The following ITPR3 variants were observed in gnomAD, a reference collection of about 807,000 sequenced individuals.
ITPR3 encodes the protein inositol 1,4,5-trisphosphate receptor type 3.
A neutral mutation model predicts 293.2 loss-of-function variants in ITPR3; 173 were observed. The observed-to-expected ratio is 0.59, with a 90% confidence interval of 0.52 to 0.67. The LOEUF (loss-of-function observed/expected upper bound fraction) is 0.67, where lower values mean the gene tolerates loss of function less well. Ranked by LOEUF, ITPR3 falls within the 30% of genes least tolerant of loss-of-function variation. The probability of loss-of-function intolerance (pLI) is 0.00; values close to 1 mark genes in which losing one functional copy is unlikely to be tolerated. For synonymous variants in ITPR3, 1,295 were observed against 1,444.4 expected (o/e 0.90, Z 2.35); for missense variants, 2,796 against 3,592.1 (o/e 0.78, Z 5.66).
rs1470212812 is a variant in ITPR3, at chr6:33,638,225, C to T, written c.90-2259C>T. ...TTCACCATGTTGGTCAGGCGGGTCT[C>T]GAACTCCTGACTTAATGATCCACCC... On this transcript the variant is annotated intron_variant, in intron 1 of 57. Transcript: ENST00000605930. This position sits in a 1 kb window ranked among gnomAD's most constrained non-coding sequence, Gnocchi z 4.3. Among the ~76,000 whole-genome samples the T allele has an allele frequency of 2.6e-5, 4 of 151,698 alleles. No individual in the cohort carries two copies. Among genetic ancestry groups the T allele is most frequent in the Non-Finnish European group, 5.9e-5 (4 of 67,952 alleles).
chr6:33,644,881 C>G (rs941641463), intron 2 of ITPR3, among the ~76,000 whole-genome samples: 1 of 151,470 alleles, frequency 6.6e-6, no homozygotes, highest in Non-Finnish European at 1.5e-5. Flanking sequence ...CCAGGCTGGT[C>G]TTAAACTCCT....
Position 33,670,348 on chromosome 6 carries a change from G to C in ITPR3, c.2213G>C (p.Arg738Pro). 6.2e-7 allele frequency: 1 copy of C among 1,614,000 alleles called. No homozygotes were observed. The highest frequency in any genetic ancestry group is 8.5e-7 in the Non-Finnish European group (1 of 1,180,042). ...YYRYQLKLFA[R>P]MCLDRQYLAI... is the part of the protein sequence containing the mutation. ...AGGTACCAGCTGAAGCTCTTTGCCC[G>C]CATGTGCTTGGACCGCCAGTACTTG... Residue 738 changes from arginine (R) to proline (P), a missense_variant, in exon 19 of 58, where the codon CGC (arginine) becomes CCC (proline). Arg to Pro is a moderately radical substitution (Grantham distance 103). Around this residue, in one of 8 missense-constraint regions of ITPR3, gnomAD observed 955 missense variants for 1,180.8 expected, o/e 0.81. Coordinates refer to ENST00000605930, the MANE Select transcript of ITPR3 (RefSeq NM_002224.4). This position sits in a 1 kb window ranked among gnomAD's most constrained non-coding sequence, Gnocchi z 6.7.
At chr6:33,652,947 G>A (rs1028324311) in intron 2 of ITPR3, among the ~76,000 whole-genome samples, 34 of 151,326 alleles carry the variant, frequency 2.2e-4, no homozygotes, top group African/African-American at 7.8e-4. Flanking sequence ...TTGCTCTGTC[G>A]CTCAGGCTGG....
rs1198202280 is a variant in ITPR3 at position 33,632,472 on chromosome 6, A to G, written c.90-8012A>G. On this transcript the variant is annotated intron_variant, in intron 1 of 57. Transcript: ENST00000605930. The surrounding 1 kb of genome is among the most constrained non-coding windows in gnomAD (Gnocchi z 4.1). ...TCCCATGGCGCCCACCTGGATCTCA[A>G]AGTCCACGCAGGGTGGAATGGGGCA... Among the ~76,000 whole-genome samples the G allele has an allele frequency of 6.6e-6, 1 of 152,080 alleles. No individual in the cohort carries two copies. The highest frequency in any genetic ancestry group is 1.5e-5 in the Non-Finnish European group (1 of 67,994).
At chr6:33,680,819 TC>T (rs369179963) in intron 33 of ITPR3, 139 bp downstream of exon 33, 68 of 915,024 alleles carry the variant, frequency 7.4e-5, no homozygotes, top group Non-Finnish European at 9.7e-5. Flanking sequence ...GTATTGGTTA[TC>T]TTTTTTTTTT....
chr6:33,645,335 A>C (rs1422255305), intron 2 of ITPR3, among the ~76,000 whole-genome samples: 2 of 148,402 alleles, frequency 1.3e-5, no homozygotes, highest in Non-Finnish European at 3.1e-5. Flanking sequence ...CGCTGTCTCA[A>C]ACAAACAAAC....
At chr6:33,642,907 T>G (rs1010419216) in intron 2 of ITPR3, among the ~76,000 whole-genome samples, 2 of 152,216 alleles carry the variant, frequency 1.3e-5, no homozygotes, top group African/African-American at 4.8e-5. Flanking sequence ...GGACTCCCTA[T>G]GGCCCTGTTG....
At chr6:33,640,021 C>T (rs962312121) in intron 1 of ITPR3, among the ~76,000 whole-genome samples, 4 of 152,114 alleles carry the variant, frequency 2.6e-5, no homozygotes, top group Non-Finnish European at 4.4e-5. Flanking sequence ...TTTGGTCTCT[C>T]TCTGCTTCTG....
chr6:33,685,224 A>T, intron 39 of ITPR3, 135 bp from the exon 40 acceptor site: 1 of 901,214 alleles, frequency 1.1e-6, no homozygotes, highest in Non-Finnish European at 1.7e-6. Flanking sequence ...CATGGATGCT[A>T]GCCACCAGCA....
intron 39 of ITPR3, 52 bp from the exon 40 acceptor site, chr6:33,685,307 T>C (rs776011158): frequency 9.9e-6 from 15 of 1,507,644 alleles, no homozygotes; most frequent in Non-Finnish European, 1.3e-5. Flanking sequence ...ACGCCCTGAG[T>C]AGGAGCAGGG....
At chr6:33,639,797 A>G (rs1004860574) in intron 1 of ITPR3, among the ~76,000 whole-genome samples, 1 of 151,924 alleles carries the variant, frequency 6.6e-6, no homozygotes, top group African/African-American at 2.4e-5. Context: ...GGATGGGTGG[A>G]TAGATGGATG....
intron 2 of ITPR3, among the ~76,000 whole-genome samples, chr6:33,652,244 C>T (rs1764209257): frequency 6.6e-6 from 1 of 152,100 alleles, no homozygotes; most frequent in African/African-American, 2.4e-5. Flanking sequence ...TTCCTCCCTC[C>T]AAGGCTAAAT....
intron 2 of ITPR3, among the ~76,000 whole-genome samples, chr6:33,653,241 TC>T (rs1262963302): frequency 1.3e-5 from 2 of 151,848 alleles, no homozygotes; most frequent in Non-Finnish European, 2.9e-5. Context: ...TTTTATTTTT[TC>T]CCACCACTTG....
chr6:33,630,327 C>T (rs979282164), intron 1 of ITPR3, among the ~76,000 whole-genome samples: 12 of 152,128 alleles, frequency 7.9e-5, no homozygotes, highest in Admixed American at 4.6e-4. Context: ...GGAGCCAGGG[C>T]GAGTTGGCCT....
chr6:33,658,697 C>G lies in ITPR3; in HGVS notation c.397C>G (p.Leu133Val). The change falls in exon 5 of 58, where the codon CTG becomes GTG. Residue 133 changes from leucine to valine, a missense_variant. Coordinates refer to ENST00000605930, the MANE Select transcript of ITPR3 (RefSeq NM_002224.4). The surrounding 1 kb of genome is among the most constrained non-coding windows in gnomAD (Gnocchi z 6.1). ...CCTGCACATGAAGAGCAACAAGTACCTGACAGTGAACAAGCGGCTTCCGGC... is the reference window on the plus strand; with the variant it reads ...CCTGCACATGAAGAGCAACAAGTACGTGACAGTGAACAAGCGGCTTCCGGC... Reference protein sequence around the residue: ...QLLHMKSNKYLTVNKRLPALL... With the variant: ...QLLHMKSNKYVTVNKRLPALL... 2 of 1,614,204 alleles carry G rather than the reference C, an allele frequency of 1.2e-6. No individual in the cohort carries two copies. Among genetic ancestry groups the G allele is most frequent in the East Asian group, 2.2e-5 (1 of 44,882 alleles).
rs918408897 is a variant in ITPR3, at chr6:33,664,729, C to T, written c.1149-141C>T. 5 of 698,662 alleles carry T rather than the reference C, an allele frequency of 7.2e-6. No homozygotes were observed. In the African/African-American group the frequency reaches 8.7e-5, roughly 12 times the overall value. 43.3% of individuals were successfully genotyped at this position (698,662 alleles called of 1,614,324 possible). A position where few individuals can be genotyped will look rare whatever the true frequency, so the allele number is the denominator to read the frequency against. ...GCTTCAGCCTCCTCATCTGGAGGGGCACCAGTGGCTCCTGTCCCACAGCTG... is the reference window on the plus strand; with the variant it reads ...GCTTCAGCCTCCTCATCTGGAGGGGTACCAGTGGCTCCTGTCCCACAGCTG... On this transcript the variant is annotated intron_variant, in intron 11 of 57. Coordinates refer to ENST00000605930, the MANE Select transcript of ITPR3 (RefSeq NM_002224.4). The surrounding 1 kb of genome is among the most constrained non-coding windows in gnomAD (Gnocchi z 4.4).
In ITPR3 at chr6:33,633,551, G is replaced by C. The variant is rs76952732; in HGVS notation, c.90-6933G>C. 4.3e-4 allele frequency among the ~76,000 whole-genome samples: 65 copies of C among 152,074 alleles called. No homozygotes were observed. The East Asian group carries it at 0.012, about 28-fold the overall frequency. Reference sequence around the variant, plus strand: ...GGCCGCCCTCCGCGGGCAGACGAGCGGGGGAGAGCAGGAAAGCGCGGGCGC... The same window carrying C: ...GGCCGCCCTCCGCGGGCAGACGAGCCGGGGAGAGCAGGAAAGCGCGGGCGC... On this transcript the variant is annotated intron_variant, in intron 1 of 57. Transcript: ENST00000605930. This position sits in a 1 kb window ranked among gnomAD's most constrained non-coding sequence, Gnocchi z 5.2.
At chr6:33,674,168 T>A (rs369651733) in intron 23 of ITPR3, 40 bp from the exon 24 acceptor site, 15 of 1,612,156 alleles carry the variant, frequency 9.3e-6, no homozygotes, top group Non-Finnish European at 1.2e-5. Context: ...TTTCCCGGGC[T>A]GGGCCTACAA....
Position 33,695,828 on chromosome 6 carries a change from G to A in ITPR3, c.*48G>A, listed in dbSNP as rs759767855. 66 of 1,587,574 alleles carry A rather than the reference G, an allele frequency of 4.2e-5. No individual in the cohort carries two copies. The highest frequency in any genetic ancestry group is 5.5e-5 in the Non-Finnish European group (64 of 1,156,656). On this transcript the variant is annotated 3_prime_UTR_variant, in exon 58 of 58. Transcript: ENST00000605930. Reference sequence around the variant, plus strand: ...CAGGGGATGCTCATCACTGGAGACTGCGACTGGGAAGAACACTGCCCCCTC... The same window carrying A: ...CAGGGGATGCTCATCACTGGAGACTACGACTGGGAAGAACACTGCCCCCTC...
Sources: gnomAD v4.1 joint callset for allele counts (sites outside exome capture counted in the v4.1 genomes callset) on GRCh38, gnomAD v4.1.1 for gene constraint, gnomAD v4.1.1 regional missense constraint, Gnocchi (gnomAD v3.1) non-coding constraint, MANE v1.5 for transcripts, NCBI Gene and HGNC (gene_info 2026-07-23, HGNC 2026-07-21) for gene names.